KIF15: variants seen among roughly 807,000 people sequenced by gnomAD.
KIF15 encodes kinesin family member 15.
KIF15 carries 140 observed loss-of-function variants against 190.6 expected under a neutral mutation model. That is an observed-to-expected ratio of 0.73 (90% CI 0.64 to 0.84). KIF15 has a LOEUF of 0.84. Among genes scored for constraint, KIF15 ranks in the 40% least tolerant of loss-of-function variants. The pLI is 0.00. For missense variants in KIF15, 1,372 were observed against 1,584.4 expected (o/e 0.87, Z 2.28); for synonymous variants, 528 against 551.3 (o/e 0.96, Z 0.59).
In KIF15 at chr3:44,815,126, C is replaced by T. The variant is rs751745025; in HGVS notation, c.2549+50C>T. On this transcript the variant is annotated intron_variant, in intron 20 of 34. Transcript: ENST00000326047. ...AAGTTGCCTGATTGGCTGTAACCTA[C>T]GACTGTTTGAAGTTGGAAGTGTTAT... is the stretch of plus-strand genomic sequence containing the variant. 36 of 1,394,084 alleles carry T rather than the reference C, an allele frequency of 2.6e-5. 1 individual carries two copies. Among genetic ancestry groups the T allele is most frequent in the Admixed American group, 1.8e-4 (7 of 38,614 alleles). The allele number at this position is 1,394,084 out of a possible 1,614,324, so 86.4% of individuals were successfully genotyped here. A position where few individuals can be genotyped will look rare whatever the true frequency, so the allele number is the denominator to read the frequency against.
At position 44,761,808 on chromosome 3, in the gene KIF15, C is replaced by A. The variant is rs375995591; in HGVS notation, c.-58C>A. The A allele has an allele frequency of 6.2e-7, 1 of 1,612,422 alleles. No individual in the cohort carries two copies. Among genetic ancestry groups the A allele is most frequent in the Non-Finnish European group, 8.5e-7 (1 of 1,178,598 alleles). ...GGGCGGAATTCAGTCGCGCGCGGTG[C>A]AGTCGGGAGGTGGAGGCACCGGCTG... On this transcript the variant is annotated 5_prime_UTR_variant, in exon 1 of 35. Transcript: ENST00000326047.
intron 11 of KIF15, among the ~76,000 whole-genome samples, 163 bp from the exon 12 acceptor site, chr3:44,801,287 C>A (rs1316870125): frequency 3.3e-5 from 5 of 152,018 alleles, no homozygotes; most frequent in Non-Finnish European, 7.4e-5. Flanking sequence ...CTGCTTCAGC[C>A]TCCTAAAGTG....
chr3:44,792,224 C>G (rs894602088), intron 7 of KIF15, among the ~76,000 whole-genome samples: 10 of 151,812 alleles, frequency 6.6e-5, no homozygotes, highest in African/African-American at 1.9e-4. Flanking sequence ...TCCTGTAATC[C>G]CAGCCTCTTT....
chr3:44,866,248 A>G (rs951370487), intron 6 of KIF15, among the ~76,000 whole-genome samples: 1 of 150,492 alleles, frequency 6.6e-6, no homozygotes, highest in Non-Finnish European at 1.5e-5. Flanking sequence ...AATTTTTTTT[A>G]TTTTTAGTAG....
chr3:44,811,184 C>A, intron 17 of KIF15, 141 bp downstream of exon 17: 1 of 634,542 alleles, frequency 1.6e-6, no homozygotes, highest in Non-Finnish European at 2.6e-6. Context: ...GGTTTATAAT[C>A]ATTCCTAGAT....
chr3:44,801,244 T>A (rs1575611369), intron 11 of KIF15, among the ~76,000 whole-genome samples: 1 of 149,958 alleles, frequency 6.7e-6, no homozygotes, highest in Non-Finnish European at 1.5e-5. Flanking sequence ...GCCAGGCTGG[T>A]CTCGAACTGC....
At position 44,780,501 on chromosome 3, in the gene KIF15, T is replaced by C. The variant is rs540811179; in HGVS notation, c.324-384T>C. On this transcript the variant is annotated intron_variant, in intron 4 of 34. Transcript: ENST00000326047. ...AAGATGCTATATGATCCCAAAACCA[T>C]GGAATACTGTGTAGCTATTAAAAAT... 5.9e-5 allele frequency among the ~76,000 whole-genome samples: 9 copies of C among 152,282 alleles called. No individual in the cohort carries two copies. In the East Asian group the frequency reaches 1.7e-3, roughly 29 times the overall value.
chr3:44,819,922 G>A (rs1708188409), intron 20 of KIF15, among the ~76,000 whole-genome samples: 1 of 152,102 alleles, frequency 6.6e-6, no homozygotes, highest in South Asian at 2.1e-4. Flanking sequence ...TATGAATCTG[G>A]GTGCTCCTGT....
rs60247517 is a variant in KIF15 at position 44,852,169 on chromosome 3, T to C, written c.3973-39T>C. ...GTGACTTTAAAAGAAAATTAAGACC[T>C]ACTTCTCATTTTTCCCTCCTTGGAT... On this transcript the variant is annotated intron_variant, in intron 33 of 34. Transcript: ENST00000326047. The C allele has an allele frequency of 2.4e-3, 3,872 of 1,586,374 alleles. 64 individuals carry two copies. The African/African-American group carries it at 0.039, about 16-fold the overall frequency.
rs1559523743 is a variant in KIF15, at chr3:44,775,363, A to G, written c.172A>G (p.Ser58Gly). ...ATGCTTATCTGTGCTGTCCTCCACG[A>G]GTCTCCGGCTGCACTCCAACCCTGA... is the stretch of plus-strand genomic sequence containing the variant. ...NLCLSVLSST[S>G]LRLHSNPEPK... The change falls in exon 3 of 35, where the codon AGT becomes GGT. Residue 58 changes from serine to glycine, a missense_variant. By Grantham distance (56) the Ser-to-Gly change is moderately conservative (BLOSUM62 0). Transcript: ENST00000326047. 3 of 1,613,952 alleles carry G rather than the reference A, an allele frequency of 1.9e-6. No homozygotes were observed. Among genetic ancestry groups the G allele is most frequent in the Non-Finnish European group, 2.5e-6 (3 of 1,180,000 alleles).
chr3:44,787,728 T>A (rs1706479967), intron 7 of KIF15, among the ~76,000 whole-genome samples: 1 of 152,244 alleles, frequency 6.6e-6, no homozygotes, highest in African/African-American at 2.4e-5. Context: ...ATCTTTAATG[T>A]CTTGCAATAT....
chr3:44,805,290 T>A, intron 15 of KIF15, 122 bp downstream of exon 15: 1 of 865,040 alleles, frequency 1.2e-6, no homozygotes, highest in Non-Finnish European at 1.8e-6. Context: ...TAGCAGCAAC[T>A]ACTTTGACAT....
rs1230124041 is a variant in KIF15, at chr3:44,803,305, GA to G, written c.1687+318del. On this transcript the variant is annotated intron_variant, in intron 14 of 34. Transcript: ENST00000326047. ...TTTTCCTGTTTAAAGTATTTGAAAT[GA>G]AAAGTCTTTAACTAATCAAACGTGA... 7.2e-5 allele frequency among the ~76,000 whole-genome samples: 11 copies of G among 152,288 alleles called. No individual in the cohort carries two copies. In the South Asian group the frequency reaches 2.3e-3, roughly 32 times the overall value.
chr3:44,786,508 C>T lies in KIF15; in HGVS notation c.573C>T (p.Ile191=). The part of the protein sequence containing the change: ...ASAGLYLREH[I]KKGVFVVGAV... ...CTGGACTGTACTTAAGGGAGCATAT[C>T]AAGAAGGGAGTCTTTGTTGTTGGTG... Residue 191 remains isoleucine, a synonymous_variant, in exon 7 of 35, where the codon ATC becomes ATT. Transcript: ENST00000326047. The T allele has an allele frequency of 6.2e-7, 1 of 1,613,482 alleles. No homozygotes were observed. The highest frequency in any genetic ancestry group is 8.5e-7 in the Non-Finnish European group (1 of 1,179,582).
chr3:44,795,079 G>C (rs1270772757), intron 8 of KIF15, among the ~76,000 whole-genome samples: 1 of 152,186 alleles, frequency 6.6e-6, no homozygotes, highest in African/African-American at 2.4e-5. Flanking sequence ...GATTTCTTTT[G>C]TGGAACAGTG....
chr3:44,783,383 A>G (rs913397958), intron 5 of KIF15, among the ~76,000 whole-genome samples: 4 of 152,098 alleles, frequency 2.6e-5, no homozygotes, highest in African/African-American at 9.7e-5. Flanking sequence ...ACAAAGAGAG[A>G]GAGAGATGAG....
At chr3:44,806,257 C>G (rs1040539584) in intron 16 of KIF15, among the ~76,000 whole-genome samples, 1 of 152,166 alleles carries the variant, frequency 6.6e-6, no homozygotes, top group African/African-American at 2.4e-5. Context: ...TGAGCCTTAT[C>G]TTTCTTTTCT....
rs552431805 is a variant in KIF15, at chr3:44,813,991, C to T, written c.2383+811C>T. On this transcript the variant is annotated intron_variant, in intron 19 of 34. Transcript: ENST00000326047. ...CATGAATGTTTTAATATTAACAAAG[C>T]GTAGGTTATATATTTGTATATGTTT... Among the ~76,000 whole-genome samples the T allele has an allele frequency of 7.9e-5, 12 of 152,184 alleles. No homozygotes were observed. The East Asian group carries it at 1.7e-3, about 22-fold the overall frequency.
In KIF15 at chr3:44,805,860, A is replaced by G; in HGVS notation, c.1845A>G (p.Glu615=). The G allele has an allele frequency of 6.2e-7, 1 of 1,613,460 alleles. No individual in the cohort carries two copies. The highest frequency in any genetic ancestry group is 1.1e-5 in the South Asian group (1 of 90,832). Reference sequence around the variant, plus strand: ...TATCTATTAGGAAAAGGCAGCTAGAATTGGAATCAGAGCTTCAGTCTTTGC... The same window carrying G: ...TATCTATTAGGAAAAGGCAGCTAGAGTTGGAATCAGAGCTTCAGTCTTTGC... The part of the protein sequence containing the change: ...FKELTRKRQL[E]LESELQSLQK... The change falls in exon 16 of 35, where the codon GAA becomes GAG. Residue 615 remains glutamate (E), a synonymous_variant. Transcript: ENST00000326047.
Sources: allele counts gnomAD v4.1 joint callset (sites outside exome capture counted in the v4.1 genomes callset), GRCh38; gene constraint gnomAD v4.1.1; transcripts MANE v1.5; gene names NCBI Gene and HGNC (gene_info 2026-07-23, HGNC 2026-07-21).